Variants in RARB observed in about 807,000 individuals in gnomAD.
The protein encoded by RARB is retinoic acid receptor beta, also known as HBV-activated protein.
RARB carries 17 observed loss-of-function variants against 51.9 expected under a neutral mutation model. The observed-to-expected ratio is 0.33, with a 90% CI of 0.22 to 0.49. RARB has a LOEUF of 0.49. Ranked by LOEUF, RARB falls within the 20% of genes least tolerant of loss-of-function variation. The pLI is 0.99. For synonymous variants in RARB, 215 were observed against 195.4 expected, an observed-to-expected ratio of 1.10 and a Z score of -0.84; for missense variants, 369 against 550.8, an observed-to-expected ratio of 0.67 and a Z score of 3.30.
intron 3 of RARB, among the ~76,000 whole-genome samples, chr3:25,539,591 T>TG (rs1254751749): frequency 4.7e-5 from 7 of 150,282 alleles, no homozygotes; most frequent in Non-Finnish European, 1.0e-4. Context: ...CTTTTTTTTT[T>TG]TCTCTTGTTT....
At chr3:25,207,909 G>T (rs1280222505) in intron 5 of RARB, among the ~76,000 whole-genome samples, 1 of 152,106 alleles carries the variant, frequency 6.6e-6, no homozygotes, top group African/African-American at 2.4e-5. Flanking sequence ...GTACAAGCGT[G>T]GTGCTGGCAT....
chr3:25,458,848 A>G (rs1310701216), intron 1 of RARB, among the ~76,000 whole-genome samples: 1 of 151,938 alleles, frequency 6.6e-6, no homozygotes, highest in East Asian at 1.9e-4. Flanking sequence ...AAAGGAGTAT[A>G]AGAGCTATTT....
intron 3 of RARB, among the ~76,000 whole-genome samples, chr3:25,118,757 A>G (rs773672913): frequency 2.0e-5 from 3 of 152,134 alleles, no homozygotes; most frequent in Non-Finnish European, 2.9e-5. Context: ...GCAATGAGCC[A>G]TAGGAGTAGA....
chr3:24,960,760 AT>A (rs11328626), intron 2 of RARB, among the ~76,000 whole-genome samples: 82,387 of 149,144 alleles, frequency 0.55, 23,325 homozygotes, highest in African/African-American at 0.69. Flanking sequence ...GAGCCTTTGG[AT>A]TTTTTTTTTT....
In RARB at chr3:25,272,273, C is replaced by T. The variant is rs137943661; in HGVS notation, c.178+97698C>T. ...TGATGTGAGGGAAGCCACTTTTACA[C>T]CAACAAAGCCATCGGCTGGTCAGGG... On this transcript the variant is annotated intron_variant, in intron 5 of 11. Transcript: ENST00000383772. Among the ~76,000 whole-genome samples the T allele has an allele frequency of 1.5e-3, 229 of 152,348 alleles. 1 individual carries two copies. Among genetic ancestry groups the T allele is most frequent in the African/African-American group, 5.3e-3 (221 of 41,578 alleles).
chr3:25,219,166 A>G (rs1354896755), intron 5 of RARB, among the ~76,000 whole-genome samples: 4 of 152,174 alleles, frequency 2.6e-5, no homozygotes, highest in Non-Finnish European at 5.9e-5. Context: ...AACATTTTAT[A>G]TATAAAATTT....
intron 5 of RARB, among the ~76,000 whole-genome samples, chr3:25,186,117 T>C (rs148177315): frequency 1.2e-5 from 1 of 82,394 alleles, no homozygotes; most frequent in African/African-American, 4.7e-5. Context: ...ATATAGACTT[T>C]GTGCAAGTCA....
At chr3:25,059,304 C>T (rs1698501750) in intron 2 of RARB, among the ~76,000 whole-genome samples, 1 of 151,332 alleles carries the variant, frequency 6.6e-6, no homozygotes, top group African/African-American at 2.4e-5. Context: ...TAATTATTTC[C>T]TCAGGGCACA....
Position 24,990,374 on chromosome 3 carries a change from T to C in RARB, c.-379-69751T>C, listed in dbSNP as rs1348155247. 9.5e-4 allele frequency among the ~76,000 whole-genome samples: 63 copies of C among 66,218 alleles called. 12 individuals are homozygous for C. The highest frequency in any genetic ancestry group is 6.4e-3 in the Middle Eastern group (1 of 156). The allele number at this position is 66,218 out of a possible 152,430, so 43.4% of individuals were successfully genotyped here. On this transcript the variant is annotated intron_variant, in intron 2 of 11. Transcript: ENST00000383772. ...CCAGAGTGTGATGTTCCCCTTCCTGTGTCCATGTGTTCTCATTGTTCAATT... is the reference window on the plus strand; with the variant it reads ...CCAGAGTGTGATGTTCCCCTTCCTGCGTCCATGTGTTCTCATTGTTCAATT...
intron 3 of RARB, among the ~76,000 whole-genome samples, chr3:25,084,805 T>G (rs1699075729): frequency 6.6e-6 from 1 of 151,700 alleles, no homozygotes; most frequent in African/African-American, 2.4e-5. Context: ...GTATATTTAT[T>G]TTAATATAAT....
intron 3 of RARB, among the ~76,000 whole-genome samples, chr3:25,122,738 T>C (rs1039641215): frequency 6.6e-6 from 1 of 152,136 alleles, no homozygotes; most frequent in African/African-American, 2.4e-5. Context: ...GGACCAGGCA[T>C]GTACAGAAGA....
At chr3:25,208,049 C>G (rs145430895) in intron 5 of RARB, among the ~76,000 whole-genome samples, 1 of 151,928 alleles carries the variant, frequency 6.6e-6, no homozygotes, top group African/African-American at 2.4e-5. Flanking sequence ...GGGAATGCTA[C>G]GCACCGTTAA....
intron 5 of RARB, among the ~76,000 whole-genome samples, chr3:25,303,120 C>G (rs1363308451): frequency 1.3e-5 from 2 of 152,132 alleles, no homozygotes; most frequent in Non-Finnish European, 2.9e-5. Context: ...GCTCCTTGGT[C>G]CTTTATACAG....
chr3:25,339,762 C>T (rs1225085561), intron 5 of RARB, among the ~76,000 whole-genome samples: 1 of 152,018 alleles, frequency 6.6e-6, no homozygotes. Context: ...GGAGCCATAG[C>T]ATTGTACCTC....
intron 4 of RARB, among the ~76,000 whole-genome samples, chr3:25,166,919 T>C (rs1700570014): frequency 6.6e-6 from 1 of 152,198 alleles, no homozygotes; most frequent in Non-Finnish European, 1.5e-5. Context: ...CCAAATCCCA[T>C]CTATATTTTA....
At chr3:24,881,150 A>T (rs1408297598) in intron 2 of RARB, among the ~76,000 whole-genome samples, 3 of 152,210 alleles carry the variant, frequency 2.0e-5, no homozygotes, top group Non-Finnish European at 4.4e-5. Flanking sequence ...TCCTGCTGCC[A>T]TGTAAGATGT....
intron 5 of RARB, among the ~76,000 whole-genome samples, chr3:25,210,449 A>G (rs1701664139): frequency 6.6e-6 from 1 of 151,032 alleles, no homozygotes; most frequent in East Asian, 2.0e-4. Context: ...TATGTGTTAT[A>G]TATGGGTGTT....
At chr3:25,106,909 T>C (rs1362493826) in intron 3 of RARB, among the ~76,000 whole-genome samples, 1 of 144,144 alleles carries the variant, frequency 6.9e-6, no homozygotes, top group Non-Finnish European at 1.5e-5. Context: ...CATTTTTTTT[T>C]GTTGTTGTTG....
intron 1 of RARB, among the ~76,000 whole-genome samples, chr3:25,448,880 A>AC (rs1709064981): frequency 1.3e-5 from 2 of 151,238 alleles, no homozygotes; most frequent in Non-Finnish European, 2.9e-5. Flanking sequence ...TACTCCTCTC[A>AC]CCCCCCTCCA....
Sources: allele counts gnomAD v4.1 joint callset (sites outside exome capture counted in the v4.1 genomes callset), GRCh38; gene constraint gnomAD v4.1.1; transcripts MANE v1.5; gene names NCBI Gene and HGNC (gene_info 2026-07-23, HGNC 2026-07-21).